FAM131A: variants seen among roughly 807,000 people sequenced by gnomAD.
The protein encoded by FAM131A is family with sequence similarity 131 member A, also known as protein FAM131A.
A neutral mutation model predicts 39.2 loss-of-function variants in FAM131A; 24 were observed. The ratio of observed to expected loss-of-function variants is 0.61; its 90% CI spans 0.44 to 0.86. FAM131A has a LOEUF of 0.86. FAM131A is among the 40% of genes least tolerant of loss of function. The pLI is 0.00. For synonymous variants in FAM131A, 202 were observed against 206.8 expected, an observed-to-expected ratio of 0.98 and a Z score of 0.20; for missense variants, 373 against 481.2, an observed-to-expected ratio of 0.78 and a Z score of 2.10.
At chr3:184,338,152 C>T (rs193046407) in intron 1 of FAM131A, among the ~76,000 whole-genome samples, 1 of 152,120 alleles carries the variant, frequency 6.6e-6, no homozygotes. Context: ...GGTTTTGAGG[C>T]AAAATTTATC....
At position 184,342,508 on chromosome 3, in the gene FAM131A, G is replaced by A. The variant is rs751675604; in HGVS notation, c.509-236G>A. ...GTTTTAGTAGAGATGGGGTTTCACCGTCTAGGCCAGGCTGGTCTTGAACTC... is the reference window on the plus strand; with the variant it reads ...GTTTTAGTAGAGATGGGGTTTCACCATCTAGGCCAGGCTGGTCTTGAACTC... On this transcript the variant is annotated intron_variant, in intron 4 of 5. Coordinates refer to ENST00000383847, the MANE Select transcript of FAM131A (RefSeq NM_144635.5). This position sits in a 1 kb window ranked among gnomAD's most constrained non-coding sequence, Gnocchi z 4.6. 1.1e-4 allele frequency among the ~76,000 whole-genome samples: 16 copies of A among 152,002 alleles called. No homozygotes were observed. Among genetic ancestry groups the A allele is most frequent in the Non-Finnish European group, 2.2e-4 (15 of 67,986 alleles).
chr3:184,343,122 CA>C (rs3064291), intron 5 of FAM131A: 233 of 105,606 alleles, frequency 2.2e-3, no homozygotes, highest in East Asian at 0.012. Flanking sequence ...TTGCAGTCCT[CA>C]AAAAAAAAAA....
In FAM131A at chr3:184,338,432, G is replaced by A. The variant is rs1727216289; in HGVS notation, c.134G>A (p.Arg45Gln). 1.3e-6 allele frequency: 2 copies of A among 1,502,032 alleles called. No homozygotes were observed. Among genetic ancestry groups the A allele is most frequent in the Admixed American group, 2.2e-5 (1 of 44,578 alleles). The allele number at this position is 1,502,032 out of a possible 1,614,324, so 93.0% of individuals were successfully genotyped here. The change falls in exon 2 of 6, where the codon CGG becomes CAG. Residue 45 changes from arginine (R) to glutamine (Q), a missense_variant. This residue lies in a region of FAM131A where 221 missense variants were observed against 347.7 expected (regional missense o/e 0.64). Coordinates refer to ENST00000383847, the MANE Select transcript of FAM131A (RefSeq NM_144635.5). ...AWAVEWIELPRGLSLSSLGSA... is the reference protein window; with the variant it reads ...AWAVEWIELPQGLSLSSLGSA... ...GCTGTGGAGTGGATCGAACTTCCTCGGGGTCTCTCTCTATCCTCTTTGGGA... is the reference window on the plus strand; with the variant it reads ...GCTGTGGAGTGGATCGAACTTCCTCAGGGTCTCTCTCTATCCTCTTTGGGA...
At chr3:184,337,339 G>T, upstream of FAM131A, 1 of 317,770 alleles carries the variant, frequency 3.1e-6, no homozygotes, top group South Asian at 5.6e-5. Context: ...GCTGGCCGAG[G>T]CTCAGGGATA....
Position 184,344,958 on chromosome 3 carries a change from A to G in FAM131A, c.1089A>G (p.Pro363=), listed in dbSNP as rs1458738441. Residue 363 remains proline, a synonymous_variant, in exon 6 of 6, where the codon CCA becomes CCG. Transcript: ENST00000383847. ...CCTTAGATGAGGATGAGGCAGAGCCAGAGGAACAGTGACCCACATCATGCC... is the reference window on the plus strand; with the variant it reads ...CCTTAGATGAGGATGAGGCAGAGCCGGAGGAACAGTGACCCACATCATGCC... The part of the protein sequence containing the change: ...VVSLDEDEAE[P]EEQ The G allele has an allele frequency of 1.8e-5, 28 of 1,562,964 alleles. No homozygotes were observed. Among genetic ancestry groups the G allele is most frequent in the Non-Finnish European group, 1.9e-5 (22 of 1,157,624 alleles).
At chr3:184,339,035 G>C (rs1727252502) in intron 2 of FAM131A, 1 of 155,970 alleles carries the variant, frequency 6.4e-6, no homozygotes, top group Admixed American at 6.4e-5. Flanking sequence ...AGTGTTGGCT[G>C]CCCTTGTGAG....
In FAM131A at chr3:184,345,581, T is replaced by C. The variant is rs1235853981; in HGVS notation, c.*611T>C. 5 of 703,356 alleles carry C rather than the reference T, an allele frequency of 7.1e-6. No individual in the cohort carries two copies. The Middle Eastern group carries it at 1.1e-3, about 161-fold the overall frequency. The allele number at this position is 703,356 out of a possible 1,614,324, so 43.6% of individuals were successfully genotyped here. On this transcript the variant is annotated 3_prime_UTR_variant, in exon 6 of 6. Transcript: ENST00000383847. ...TTTTTTCCTAAAGACAGAAGGTTTT[T>C]GGTCTGTTTTTTCAGTCGGATCTTC...
Position 184,345,675 on chromosome 3 carries a change from G to C in FAM131A, c.*705G>C. ...ACCCTTTTCCTGGCCCCCTAATGGG[G>C]CCTGGGCCCTTTCCCAACCCCTCCT... On this transcript the variant is annotated 3_prime_UTR_variant, in exon 6 of 6. Coordinates refer to ENST00000383847, the MANE Select transcript of FAM131A (RefSeq NM_144635.5). 1 of 656,672 alleles carries C rather than the reference G, an allele frequency of 1.5e-6. No homozygotes were observed. The highest frequency in any genetic ancestry group is 2.7e-6 in the Non-Finnish European group (1 of 367,118). 40.7% of individuals were successfully genotyped at this position (656,672 alleles called of 1,614,324 possible).
rs575517469 is a variant in FAM131A, at chr3:184,345,516, T to C, written c.*546T>C. On this transcript the variant is annotated 3_prime_UTR_variant, in exon 6 of 6. Coordinates refer to ENST00000383847, the MANE Select transcript of FAM131A (RefSeq NM_144635.5). ...GGCCCCTGCCCAGCTGGGCTCGTGC[T>C]GTGCTTCATTCACCTCTCCATCGTC... The C allele has an allele frequency of 2.6e-5, 18 of 703,158 alleles. No homozygotes were observed. The highest frequency in any genetic ancestry group is 3.9e-5 in the Non-Finnish European group (15 of 385,026). 43.6% of individuals were successfully genotyped at this position (703,158 alleles called of 1,614,324 possible). A position where few individuals can be genotyped will look rare whatever the true frequency, so the allele number is the denominator to read the frequency against.
rs764607781 is a variant in FAM131A at position 184,342,029 on chromosome 3, T to C, written c.326-37T>C. On this transcript the variant is annotated intron_variant, in intron 3 of 5. Transcript: ENST00000383847. This position sits in a 1 kb window ranked among gnomAD's most constrained non-coding sequence, Gnocchi z 4.6. The stretch of plus-strand genomic sequence containing the variant: ...CCTGCACCTGTGCTCCCTGGCCTGG[T>C]CCTTTACCAGGCTTCTCCACCCTCC... 5 of 1,613,580 alleles carry C rather than the reference T, an allele frequency of 3.1e-6. No homozygotes were observed. In the South Asian group the frequency reaches 4.4e-5, roughly 14 times the overall value.
chr3:184,345,992 T>C lies in FAM131A; in HGVS notation c.*1022T>C. 4.5e-6 allele frequency: 1 copy of C among 224,516 alleles called. No homozygotes were observed. The highest frequency in any genetic ancestry group is 8.8e-6 in the Non-Finnish European group (1 of 114,028). 13.9% of individuals were successfully genotyped at this position (224,516 alleles called of 1,614,324 possible). A position where few individuals can be genotyped will look rare whatever the true frequency, so the allele number is the denominator to read the frequency against. On this transcript the variant is annotated 3_prime_UTR_variant, in exon 6 of 6. Transcript: ENST00000383847. ...TCTGAATGAAAGGCCAAGGCTACAG[T>C]ACAGGGCCCCACCCCAGCCAGGGTG...
rs777265957 is a variant in FAM131A at position 184,344,821 on chromosome 3, G to A, written c.952G>A (p.Ala318Thr). ...SPLTESCLSP[A>T]EEEPAPCKDC... ...CCTCACAGAGTCCTGCCTTTCCCCCGCGGAGGAGGAGCCAGCCCCCTGCAA... is the reference window on the plus strand; with the variant it reads ...CCTCACAGAGTCCTGCCTTTCCCCCACGGAGGAGGAGCCAGCCCCCTGCAA... The change falls in exon 6 of 6, where the codon GCG becomes ACG. Residue 318 changes from alanine (A) to threonine (T), a missense_variant. By Grantham distance (58) the Ala-to-Thr change is moderately conservative. Coordinates refer to ENST00000383847, the MANE Select transcript of FAM131A (RefSeq NM_144635.5). The A allele has an allele frequency of 1.2e-5, 20 of 1,611,954 alleles. No homozygotes were observed. Among genetic ancestry groups the A allele is most frequent in the South Asian group, 3.3e-5 (3 of 91,084 alleles).
In FAM131A at chr3:184,345,742, G is replaced by A; in HGVS notation, c.*772G>A. On this transcript the variant is annotated 3_prime_UTR_variant, in exon 6 of 6. Transcript: ENST00000383847. ...GTGCTGGCGCCTCACAGCCAGCCGG[G>A]CTGCCCATTCACGCAGAGCTCTCTG... 3.4e-6 allele frequency: 2 copies of A among 596,284 alleles called. No individual in the cohort carries two copies. Among genetic ancestry groups the A allele is most frequent in the Non-Finnish European group, 5.9e-6 (2 of 337,708 alleles). 36.9% of individuals were successfully genotyped at this position (596,284 alleles called of 1,614,324 possible).
chr3:184,345,159 G>A lies in FAM131A; in HGVS notation c.*189G>A. On this transcript the variant is annotated 3_prime_UTR_variant, in exon 6 of 6. Transcript: ENST00000383847. ...AGGAGGCAGGGGCTGGGCTGGGGGCGCATGTCCTGCCCCCACTCCCGGGGC... is the reference window on the plus strand; with the variant it reads ...AGGAGGCAGGGGCTGGGCTGGGGGCACATGTCCTGCCCCCACTCCCGGGGC... 5 of 645,854 alleles carry A rather than the reference G, an allele frequency of 7.7e-6. No homozygotes were observed. Among genetic ancestry groups the A allele is most frequent in the Non-Finnish European group, 1.3e-5 (5 of 388,618 alleles). 40.0% of individuals were successfully genotyped at this position (645,854 alleles called of 1,614,324 possible). A position where few individuals can be genotyped will look rare whatever the true frequency, so the allele number is the denominator to read the frequency against.
Position 184,344,827 on chromosome 3 carries a change from G to C in FAM131A, c.958G>C (p.Glu320Gln). 3.7e-6 allele frequency: 6 copies of C among 1,611,878 alleles called. No homozygotes were observed. Among genetic ancestry groups the C allele is most frequent in the Non-Finnish European group, 5.1e-6 (6 of 1,179,884 alleles). ...AGAGTCCTGCCTTTCCCCCGCGGAG[G>C]AGGAGCCAGCCCCCTGCAAGGACTG... is the stretch of plus-strand genomic sequence containing the variant. ...LTESCLSPAE[E>Q]EPAPCKDCQP... Residue 320 changes from glutamate to glutamine, a missense_variant, in exon 6 of 6, where the codon GAG becomes CAG. Physicochemically the swap from Glu to Gln is conservative, Grantham distance 29. Around this residue, in one of 2 missense-constraint regions of FAM131A, gnomAD observed 152 missense variants for 133.5 expected, o/e 1.14. Coordinates refer to ENST00000383847, the MANE Select transcript of FAM131A (RefSeq NM_144635.5).
chr3:184,345,007 C>G lies in FAM131A; in HGVS notation c.*37C>G. The G allele has an allele frequency of 1.4e-6, 2 of 1,467,278 alleles. No homozygotes were observed. The highest frequency in any genetic ancestry group is 5.0e-5 in the East Asian group (2 of 40,340). 90.9% of individuals were successfully genotyped at this position (1,467,278 alleles called of 1,614,324 possible). A position where few individuals can be genotyped will look rare whatever the true frequency, so the allele number is the denominator to read the frequency against. ...CCTGGCAGTGGCATGCATCCCCCGGCTGCTGCCAGGGGCAGAGCCTCTGTG... is the reference window on the plus strand; with the variant it reads ...CCTGGCAGTGGCATGCATCCCCCGGGTGCTGCCAGGGGCAGAGCCTCTGTG... On this transcript the variant is annotated 3_prime_UTR_variant, in exon 6 of 6. Coordinates refer to ENST00000383847, the MANE Select transcript of FAM131A (RefSeq NM_144635.5).
Position 184,344,684 on chromosome 3 carries a change from C to A in FAM131A, c.815C>A (p.Ala272Asp). ...DGLLGSPARL[A>D]SQLLGDELLL... The stretch of plus-strand genomic sequence containing the variant: ...TTGTTGGGCTCCCCGGCCCGGCTGG[C>A]CTCCCAGCTGCTGGGCGATGAGCTG... Residue 272 changes from alanine to aspartate, a missense_variant, in exon 6 of 6, where the codon GCC (alanine) becomes GAC (aspartate). Around this residue, in one of 2 missense-constraint regions of FAM131A, gnomAD observed 152 missense variants for 133.5 expected, o/e 1.14. Transcript: ENST00000383847. 8 of 1,612,436 alleles carry A rather than the reference C, an allele frequency of 5.0e-6. No homozygotes were observed. Among genetic ancestry groups the A allele is most frequent in the South Asian group, 1.1e-5 (1 of 91,002 alleles).
intron 5 of FAM131A, among the ~76,000 whole-genome samples, chr3:184,343,342 A>G (rs979684073): frequency 9.2e-5 from 14 of 152,212 alleles, no homozygotes; most frequent in Non-Finnish European, 1.6e-4. Flanking sequence ...CCACGGGGCC[A>G]TGCTGGCTCC....
chr3:184,342,271 G>A lies in FAM131A; in HGVS notation c.508+23G>A. 6.3e-7 allele frequency: 1 copy of A among 1,576,732 alleles called. No homozygotes were observed. The highest frequency in any genetic ancestry group is 8.6e-7 in the Non-Finnish European group (1 of 1,162,382). On this transcript the variant is annotated intron_variant, in intron 4 of 5. Coordinates refer to ENST00000383847, the MANE Select transcript of FAM131A (RefSeq NM_144635.5). This position sits in a 1 kb window ranked among gnomAD's most constrained non-coding sequence, Gnocchi z 4.6. ...CAGGTGGATGGCAGAAAGGGGATAA[G>A]CTACACTCTTGGCACAGGGCTGCTT... is the stretch of plus-strand genomic sequence containing the variant.
Sources: allele counts gnomAD v4.1 joint callset (sites outside exome capture counted in the v4.1 genomes callset), GRCh38; gene constraint gnomAD v4.1.1; regional missense constraint gnomAD v4.1.1; non-coding constraint Gnocchi (gnomAD v3.1); transcripts MANE v1.5; gene names NCBI Gene and HGNC (gene_info 2026-07-23, HGNC 2026-07-21).